XXYLT1: variants seen among roughly 807,000 people sequenced by gnomAD.
XXYLT1 encodes xyloside xylosyltransferase 1.
Under a neutral mutation model 28.9 loss-of-function variants are expected in XXYLT1, and 20 were observed. The ratio of observed to expected loss-of-function variants is 0.69; its 90% CI spans 0.49 to 1.00. XXYLT1 has a LOEUF of 1.00. Ranked by LOEUF, XXYLT1 falls within the 50% of genes least tolerant of loss-of-function variation. The probability of loss-of-function intolerance (pLI) is 0.00; values close to 1 mark genes in which losing one functional copy is unlikely to be tolerated. For missense variants in XXYLT1, 542 were observed against 560.1 expected (o/e 0.97, Z 0.33); for synonymous variants, 257 against 253.8 (o/e 1.01, Z -0.12).
chr3:195,178,385 G>A (rs150106503), intron 2 of XXYLT1, among the ~76,000 whole-genome samples: 23 of 152,118 alleles, frequency 1.5e-4, no homozygotes, highest in African/African-American at 4.6e-4. Context: ...TTGAGAAGCC[G>A]GCCCTGCTCT....
At chr3:195,109,546 G>GA (rs1560099562) in intron 3 of XXYLT1, among the ~76,000 whole-genome samples, 1 of 88,018 alleles carries the variant, frequency 1.1e-5, no homozygotes, top group Admixed American at 1.2e-4. Flanking sequence ...CATGTGTAGG[G>GA]GGTGTGTGTG....
chr3:195,259,229 A>G (rs1325437505), intron 1 of XXYLT1, among the ~76,000 whole-genome samples: 1 of 152,260 alleles, frequency 6.6e-6, no homozygotes, highest in Non-Finnish European at 1.5e-5. Flanking sequence ...GCCCTAATAA[A>G]TAAAACCAAT....
chr3:195,105,475 A>C (rs1178672117), intron 3 of XXYLT1, among the ~76,000 whole-genome samples: 1 of 152,254 alleles, frequency 6.6e-6, no homozygotes, highest in Non-Finnish European at 1.5e-5. Context: ...TTACGCCCAA[A>C]GGCAAAGGGC....
chr3:195,234,860 G>A (rs1380185795), intron 1 of XXYLT1, among the ~76,000 whole-genome samples: 2 of 151,944 alleles, frequency 1.3e-5, no homozygotes, highest in East Asian at 1.9e-4. Context: ...AATCTGCTTG[G>A]TGTTCTATAA....
intron 2 of XXYLT1, among the ~76,000 whole-genome samples, chr3:195,174,397 G>T (rs1721556369): frequency 6.6e-6 from 1 of 152,070 alleles, no homozygotes; most frequent in South Asian, 2.1e-4. Flanking sequence ...AGAGTGCAGT[G>T]GCACAATCAC....
Position 195,210,632 on chromosome 3 carries a change from A to T in XXYLT1, c.652+16077T>A, listed in dbSNP as rs1723273182. On this transcript the variant is annotated intron_variant, in intron 2 of 3. Coordinates refer to ENST00000310380, the MANE Select transcript of XXYLT1 (RefSeq NM_152531.5). This position sits in a 1 kb window ranked among gnomAD's most constrained non-coding sequence, Gnocchi z 4.8. ...AGCTTAGAAAGAGCTTCTGGCATTA[A>T]ATTAGTAGAAAATGGTCTCTACCAC... Among the ~76,000 whole-genome samples, 1 of 152,228 alleles carries T rather than the reference A, an allele frequency of 6.6e-6. No individual in the cohort carries two copies. Among genetic ancestry groups the T allele is most frequent in the Non-Finnish European group, 1.5e-5 (1 of 68,044 alleles).
chr3:195,238,501 TG>T (rs1299527284), intron 1 of XXYLT1, among the ~76,000 whole-genome samples: 1 of 152,218 alleles, frequency 6.6e-6, no homozygotes. Context: ...ATCCAGCCAC[TG>T]GCCACATGAC....
chr3:195,086,284 T>C (rs1187836111), intron 3 of XXYLT1, among the ~76,000 whole-genome samples: 1 of 152,230 alleles, frequency 6.6e-6, no homozygotes, highest in Non-Finnish European at 1.5e-5. Context: ...CCTATCGTGC[T>C]AGGTTGGATC....
chr3:195,085,159 T>C (rs115768905), intron 3 of XXYLT1, among the ~76,000 whole-genome samples: 60 of 152,324 alleles, frequency 3.9e-4, no homozygotes, highest in African/African-American at 1.3e-3. Flanking sequence ...GATTGCCATA[T>C]GAAAGTTCAA....
intron 2 of XXYLT1, chr3:195,184,876 T>C (rs981009507): frequency 2.7e-5 from 25 of 942,834 alleles, no homozygotes; most frequent in Admixed American, 1.2e-4. Context: ...TACATTCAAA[T>C]GGTAAGTTTG....
intron 1 of XXYLT1, among the ~76,000 whole-genome samples, chr3:195,243,146 T>A (rs1457383786): frequency 6.6e-6 from 1 of 151,084 alleles, no homozygotes; most frequent in Non-Finnish European, 1.5e-5. Flanking sequence ...CACTCATAGG[T>A]GGGAACTGAA....
rs1006090689 is a variant in XXYLT1 at position 195,173,460 on chromosome 3, C to T, written c.653-16879G>A. ...ACATTCTGGTTCATATAAGACTGGG[C>T]GGAAGAACAGCTCCCAGCACAGCCT... On this transcript the variant is annotated intron_variant, in intron 2 of 3. Transcript: ENST00000310380. The surrounding 1 kb of genome is among the most constrained non-coding windows in gnomAD (Gnocchi z 4.3). 7.2e-5 allele frequency among the ~76,000 whole-genome samples: 11 copies of T among 152,132 alleles called. No individual in the cohort carries two copies. Among genetic ancestry groups the T allele is most frequent in the African/African-American group, 1.9e-4 (8 of 41,420 alleles).
At chr3:195,073,013 C>T (rs527598776) in intron 3 of XXYLT1, among the ~76,000 whole-genome samples, 1 of 152,308 alleles carries the variant, frequency 6.6e-6, no homozygotes, top group Admixed American at 6.5e-5. Context: ...GGTCACGAAG[C>T]CCTCTCACAC....
intron 3 of XXYLT1, among the ~76,000 whole-genome samples, chr3:195,087,966 C>T (rs1040172141): frequency 1.3e-5 from 2 of 152,102 alleles, no homozygotes; most frequent in African/African-American, 4.8e-5. Flanking sequence ...CTGAATACTG[C>T]GCTTTTCCAA....
At chr3:195,121,808 G>T in intron 3 of XXYLT1, among the ~76,000 whole-genome samples, 1 of 152,270 alleles carries the variant, frequency 6.6e-6, no homozygotes, top group African/African-American at 2.4e-5. Context: ...CTGTGACCTG[G>T]GCAAGTGGCT....
chr3:195,226,138 A>G (rs1724038465), intron 2 of XXYLT1, among the ~76,000 whole-genome samples: 1 of 152,162 alleles, frequency 6.6e-6, no homozygotes, highest in African/African-American at 2.4e-5. Context: ...AAGCATGACC[A>G]GACCTGCCAG....
rs541265252 is a variant in XXYLT1 at position 195,204,238 on chromosome 3, G to A, written c.652+22471C>T. 2.0e-5 allele frequency among the ~76,000 whole-genome samples: 3 copies of A among 152,058 alleles called. 1 individual carries two copies. Among genetic ancestry groups the A allele is most frequent in the African/African-American group, 4.8e-5 (2 of 41,464 alleles). The stretch of plus-strand genomic sequence containing the variant: ...GACGCCTGTAGTCCCAGCTACTTGG[G>A]AGGCTGAGGCAGAAAACTCGCTTGA... On this transcript the variant is annotated intron_variant, in intron 2 of 3. Coordinates refer to ENST00000310380, the MANE Select transcript of XXYLT1 (RefSeq NM_152531.5).
At chr3:195,193,515 C>T (rs1367433602) in intron 2 of XXYLT1, among the ~76,000 whole-genome samples, 1 of 152,074 alleles carries the variant, frequency 6.6e-6, no homozygotes, top group South Asian at 2.1e-4. Context: ...TCCCAGCAGA[C>T]TTTTTGGTAG....
At position 195,210,270 on chromosome 3, in the gene XXYLT1, G is replaced by A. The variant is rs535964246; in HGVS notation, c.652+16439C>T. On this transcript the variant is annotated intron_variant, in intron 2 of 3. Coordinates refer to ENST00000310380, the MANE Select transcript of XXYLT1 (RefSeq NM_152531.5). The surrounding 1 kb of genome is among the most constrained non-coding windows in gnomAD (Gnocchi z 4.8). ...CGCTGAAGTCAGGACAGGACAGGAC[G>A]CTGCTCTGCTGACCTCTCGCCTCTT... is the stretch of plus-strand genomic sequence containing the variant. Among the ~76,000 whole-genome samples, 1 of 152,302 alleles carries A rather than the reference G, an allele frequency of 6.6e-6. No homozygotes were observed. Among genetic ancestry groups the A allele is most frequent in the Admixed American group, 6.5e-5 (1 of 15,304 alleles).
Sources: gnomAD v4.1 joint callset for allele counts (sites outside exome capture counted in the v4.1 genomes callset) on GRCh38, gnomAD v4.1.1 for gene constraint, Gnocchi (gnomAD v3.1) non-coding constraint, MANE v1.5 for transcripts, NCBI Gene and HGNC (gene_info 2026-07-23, HGNC 2026-07-21) for gene names.